Variants in GPR89B observed in about 807,000 individuals in gnomAD.
The protein encoded by GPR89B is golgi pH regulator B, also known as G protein-coupled receptor 89B.
A neutral mutation model predicts 52.4 loss-of-function variants in GPR89B; 25 were observed. That is an observed-to-expected ratio of 0.48 (90% confidence interval 0.35 to 0.67). The LOEUF (loss-of-function observed/expected upper bound fraction) is 0.67, where lower values mean the gene tolerates loss of function less well. Ranked by LOEUF, GPR89B falls within the 30% of genes least tolerant of loss-of-function variation. The pLI is 0.01. For missense variants in GPR89B, 146 were observed against 450.2 expected (o/e 0.32, Z 6.11); for synonymous variants, 52 against 151.2 (o/e 0.34, Z 4.81).
chr1:147,954,373 C>T lies in GPR89B; in HGVS notation c.588C>T (p.Thr196=). 1 of 327,802 alleles carries T rather than the reference C, an allele frequency of 3.1e-6. No individual in the cohort carries two copies. Among genetic ancestry groups the T allele is most frequent in the Non-Finnish European group, 5.2e-6 (1 of 191,712 alleles). 20.3% of individuals were successfully genotyped at this position (327,802 alleles called of 1,614,324 possible). The change falls in exon 7 of 14, where the codon ACC becomes ACT. Residue 196 remains threonine, a synonymous_variant. Transcript: ENST00000314163. Reference sequence around the variant, plus strand: ...CCCTGGAACGGCGACTGCTGCAAACCATGGATATGATCATAAGCAAAAAGA... The same window carrying T: ...CCCTGGAACGGCGACTGCTGCAAACTATGGATATGATCATAAGCAAAAAGA... ...ILALERRLLQ[T]MDMIISKKKR...
At chr1:147,959,893 G>A (rs1413765470) in intron 7 of GPR89B, among the ~76,000 whole-genome samples, 3 of 150,648 alleles carry the variant, frequency 2.0e-5, no homozygotes, top group Admixed American at 1.3e-4. Flanking sequence ...GAAAGTGAAA[G>A]CTTTTCTGGC....
the GPR89B span, among the ~76,000 whole-genome samples, chr1:148,025,534 A>G: frequency 1.6e-5 from 2 of 127,464 alleles, no homozygotes; most frequent in Non-Finnish European, 3.3e-5. Flanking sequence ...AAAAAAAAAA[A>G]AAAAAAAAAA....
chr1:147,997,280 C>T (rs1357296872), downstream of GPR89B, among the ~76,000 whole-genome samples: 5 of 152,060 alleles, frequency 3.3e-5, no homozygotes, highest in Non-Finnish European at 5.9e-5. Flanking sequence ...CCTAGAAGCC[C>T]GGTAAAGCAT....
the GPR89B span, chr1:148,010,660 GGAAA>G: frequency 6.6e-6 from 1 of 152,258 alleles, no homozygotes; most frequent in East Asian, 1.9e-4. Flanking sequence ...AAGGTTGAGA[GGAAA>G]GAGTTTGGGA....
intron 10 of GPR89B, among the ~76,000 whole-genome samples, chr1:147,970,455 C>G (rs1268458135): frequency 6.6e-6 from 1 of 151,648 alleles, no homozygotes. Context: ...TAAGATCACG[C>G]CACTGCACTC....
At chr1:148,012,506 C>CG in the GPR89B span, among the ~76,000 whole-genome samples, 1 of 150,044 alleles carries the variant, frequency 6.7e-6, no homozygotes, top group African/African-American at 2.5e-5. Flanking sequence ...CCCACTCCCC[C>CG]ACCCCCGCAG....
At chr1:147,948,257 T>C (rs1222999753) in intron 5 of GPR89B, among the ~76,000 whole-genome samples, 3 of 152,122 alleles carry the variant, frequency 2.0e-5, no homozygotes, top group African/African-American at 4.8e-5. Context: ...AGAGACATCA[T>C]GTAAAGCCCT....
chr1:147,947,806 G>C (rs1358883763), intron 5 of GPR89B, among the ~76,000 whole-genome samples: 1 of 151,678 alleles, frequency 6.6e-6, no homozygotes, highest in Non-Finnish European at 1.5e-5. Flanking sequence ...CACCTCATAT[G>C]TGCCAAGCAG....
chr1:147,960,179 G>A (rs1408557014), intron 7 of GPR89B, among the ~76,000 whole-genome samples: 3 of 152,026 alleles, frequency 2.0e-5, no homozygotes, highest in East Asian at 3.9e-4. Context: ...GCTTACTAGT[G>A]CCAAAAAAAT....
At chr1:147,991,335 A>C (rs1350261176) in intron 12 of GPR89B, among the ~76,000 whole-genome samples, 1 of 152,128 alleles carries the variant, frequency 6.6e-6, no homozygotes, top group Non-Finnish European at 1.5e-5. Context: ...TTATCAGCTT[A>C]AGGAGATTTT....
the GPR89B span, among the ~76,000 whole-genome samples, chr1:148,008,550 C>G: frequency 1.3e-5 from 2 of 152,054 alleles, no homozygotes; most frequent in Non-Finnish European, 2.9e-5. Flanking sequence ...CTTCTCCAGC[C>G]CCAGAAAGAA....
At chr1:147,990,730 G>C (rs1244530807) in intron 12 of GPR89B, among the ~76,000 whole-genome samples, 2 of 151,576 alleles carry the variant, frequency 1.3e-5, no homozygotes, top group East Asian at 1.9e-4. Flanking sequence ...TCTTGTTTTT[G>C]TCAGGTTTGT....
chr1:147,937,695 C>G (rs1471814643), intron 2 of GPR89B, among the ~76,000 whole-genome samples: 2 of 152,174 alleles, frequency 1.3e-5, no homozygotes, highest in African/African-American at 4.8e-5. Context: ...ACCCTGCAAG[C>G]AGTCGGACCT....
Position 147,928,595 on chromosome 1 carries a change from C to G in GPR89B, c.42+17C>G, listed in dbSNP as rs1395596415. The stretch of plus-strand genomic sequence containing the variant: ...ACCTCCCAGGTGAGTCACCGCCTCC[C>G]GCCCCGACACCCGTCCGCCTCCCTT... On this transcript the variant is annotated intron_variant, in intron 1 of 13. Transcript: ENST00000314163. 2 of 1,613,684 alleles carry G rather than the reference C, an allele frequency of 1.2e-6. No individual in the cohort carries two copies. Among genetic ancestry groups the G allele is most frequent in the Non-Finnish European group, 1.7e-6 (2 of 1,179,706 alleles).
At chr1:148,012,453 C>A in the GPR89B span, among the ~76,000 whole-genome samples, 6,731 of 151,006 alleles carry the variant, frequency 0.045, 293 homozygotes, top group East Asian at 0.16. Flanking sequence ...GGCCTGTGAG[C>A]TGCTTCCTCC....
intron 7 of GPR89B, among the ~76,000 whole-genome samples, chr1:147,958,555 G>A (rs1268980683): frequency 4.3e-5 from 6 of 139,326 alleles, no homozygotes; most frequent in African/African-American, 1.7e-4. Flanking sequence ...CAGGAAAATC[G>A]CTTGAACCCG....
At chr1:148,021,934 G>C in the GPR89B span, 1 of 148,450 alleles carries the variant, frequency 6.7e-6, no homozygotes, top group South Asian at 2.2e-4. Context: ...ATGGGTTCCC[G>C]ATGTCACATC....
intron 10 of GPR89B, among the ~76,000 whole-genome samples, chr1:147,972,610 A>G (rs1420867466): frequency 1.3e-5 from 2 of 151,024 alleles, no homozygotes; most frequent in African/African-American, 2.5e-5. Flanking sequence ...TTTTTTTCCC[A>G]CCCATATTTT....
At chr1:147,999,523 C>T in the GPR89B span, among the ~76,000 whole-genome samples, 17 of 145,708 alleles carry the variant, frequency 1.2e-4, no homozygotes, top group African/African-American at 1.8e-4. Flanking sequence ...CGCTTGAACC[C>T]GGGAGGTGGA....
Sources: allele counts gnomAD v4.1 joint callset (sites outside exome capture counted in the v4.1 genomes callset), GRCh38; gene constraint gnomAD v4.1.1; transcripts MANE v1.5; gene names NCBI Gene and HGNC (gene_info 2026-07-23, HGNC 2026-07-21).